SLC12A7: variants seen among roughly 807,000 people sequenced by gnomAD.
SLC12A7 encodes the protein K-Cl cotransporter 4.
A neutral mutation model predicts 120.6 loss-of-function variants in SLC12A7; 100 were observed. The observed-to-expected ratio is 0.83, with a 90% CI of 0.71 to 0.98. The LOEUF is 0.98. SLC12A7 is among the 50% of genes least tolerant of loss of function. The pLI, the probability that SLC12A7 is intolerant of heterozygous loss-of-function variation, is 0.00. For missense variants in SLC12A7, 1,373 were observed against 1,548.1 expected (o/e 0.89, Z 1.90); for synonymous variants, 760 against 678.0 (o/e 1.12, Z -1.88).
intron 1 of SLC12A7, among the ~76,000 whole-genome samples, chr5:1,104,104 G>T (rs1397026069): frequency 2.0e-5 from 3 of 152,186 alleles, no homozygotes; most frequent in Non-Finnish European, 2.9e-5. Context: ...CCCAGGAGGG[G>T]CCTGGCCTGG....
chr5:1,083,895 A>G lies in SLC12A7; in HGVS notation c.979T>C (p.Tyr327His). Residue 327 changes from tyrosine to histidine, a missense_variant, in exon 8 of 24, where the codon TAC (tyrosine) becomes CAC (histidine). By Grantham distance (83) the Tyr-to-His change is moderately conservative (BLOSUM62 2). Coordinates refer to ENST00000264930, the MANE Select transcript of SLC12A7 (RefSeq NM_006598.3). ...RRSFDACVKA[Y>H]GIHNNSATSA... The stretch of plus-strand genomic sequence containing the variant: ...GTGGCTGAGTTGTTGTGGATGCCGT[A>G]GGCCTTGACGCAGGCATCGAAGCTG... 6.2e-7 allele frequency: 1 copy of G among 1,608,550 alleles called. No individual in the cohort carries two copies. The highest frequency in any genetic ancestry group is 8.5e-7 in the Non-Finnish European group (1 of 1,179,098).
the SLC12A7 span, among the ~76,000 whole-genome samples, chr5:1,118,375 G>A: frequency 6.6e-6 from 1 of 152,362 alleles, no homozygotes; most frequent in South Asian, 2.1e-4. Flanking sequence ...TGAACAGAGA[G>A]ATAAGAAGAT....
Position 1,050,811 on chromosome 5 carries a change from C to T in SLC12A7, c.*1549G>A, listed in dbSNP as rs561142792. The T allele has an allele frequency of 1.8e-5, 7 of 398,588 alleles. No homozygotes were observed. Among genetic ancestry groups the T allele is most frequent in the Admixed American group, 1.3e-4 (3 of 22,730 alleles). The allele number at this position is 398,588 out of a possible 1,614,324, so 24.7% of individuals were successfully genotyped here. A position where few individuals can be genotyped will look rare whatever the true frequency, so the allele number is the denominator to read the frequency against. ...GAGCCCCGCTGTGATGTCTGGGACA[C>T]GCTCTGGGCAGCAGCCGTCACTCTA... On this transcript the variant is annotated 3_prime_UTR_variant, in exon 24 of 24. Coordinates refer to ENST00000264930, the MANE Select transcript of SLC12A7 (RefSeq NM_006598.3).
At chr5:1,074,528 C>T in intron 16 of SLC12A7, 39 bp downstream of exon 16, 1 of 1,565,780 alleles carries the variant, frequency 6.4e-7, no homozygotes, top group Admixed American at 1.7e-5. Context: ...AACAGCTCTT[C>T]TGTGCGTCTG....
chr5:1,094,327 C>T (rs1409187341), intron 1 of SLC12A7, 79 bp from the exon 2 acceptor site: 20 of 1,031,998 alleles, frequency 1.9e-5, no homozygotes, highest in South Asian at 5.1e-5. Flanking sequence ...AGATCTTGCA[C>T]GGAGGGCTCT....
intron 20 of SLC12A7, among the ~76,000 whole-genome samples, chr5:1,063,429 A>G (rs1162341577): frequency 6.6e-6 from 1 of 152,086 alleles, no homozygotes; most frequent in African/African-American, 2.4e-5. Flanking sequence ...ACACGGGACC[A>G]TGGAGGACAC....
intron 20 of SLC12A7, among the ~76,000 whole-genome samples, chr5:1,061,945 A>T (rs977016180): frequency 6.6e-5 from 10 of 152,140 alleles, no homozygotes; most frequent in South Asian, 4.1e-4. Context: ...AACTTTTTTT[A>T]AAAAAATAAA....
rs141289956 is a variant in SLC12A7 at position 1,060,435 on chromosome 5, G to A, written c.2756C>T (p.Ser919Phe). The change falls in exon 21 of 24, where the codon TCT (serine) becomes TTT (phenylalanine). Residue 919 changes from serine to phenylalanine, a missense_variant. By Grantham distance (155) the Ser-to-Phe change is radical (BLOSUM62 -2). Transcript: ENST00000264930. ...EVVEMVENDI[S>F]AFTYERTLMM... is the part of the protein sequence containing the mutation. ...TAGTGTCCTCTCGTAGGTGAAAGCA[G>A]ATATGTCGTTTTCAACCTAGAAAGT... 1 of 1,613,240 alleles carries A rather than the reference G, an allele frequency of 6.2e-7. No individual in the cohort carries two copies. The highest frequency in any genetic ancestry group is 1.3e-5 in the African/African-American group (1 of 74,932).
the SLC12A7 span, among the ~76,000 whole-genome samples, chr5:1,132,281 G>C: frequency 6.6e-6 from 1 of 152,170 alleles, no homozygotes; most frequent in Non-Finnish European, 1.5e-5. Context: ...CTAAAAAGGG[G>C]AGGAGCCCAC....
At chr5:1,146,366 TC>T in the SLC12A7 span, among the ~76,000 whole-genome samples, 87,878 of 151,950 alleles carry the variant, frequency 0.58, 26,961 homozygotes, top group South Asian at 0.74. The surrounding 1 kb of genome is among the most constrained non-coding windows in gnomAD (Gnocchi z 6.5). Flanking sequence ...CAGGCCTGGG[TC>T]CCTCTGACCT....
chr5:1,132,220 G>A, the SLC12A7 span, among the ~76,000 whole-genome samples: 81 of 152,194 alleles, frequency 5.3e-4, no homozygotes, highest in Middle Eastern at 3.4e-3. Context: ...CTACCAGCAC[G>A]GTGGCAGTTT....
At chr5:1,069,744 T>C (rs532558991) in intron 17 of SLC12A7, among the ~76,000 whole-genome samples, 6 of 150,852 alleles carry the variant, frequency 4.0e-5, no homozygotes, top group Non-Finnish European at 8.9e-5. Context: ...CGTGACGTGA[T>C]GGGACCCCAC....
the SLC12A7 span, among the ~76,000 whole-genome samples, chr5:1,141,141 C>T: frequency 2.0e-5 from 3 of 152,206 alleles, no homozygotes; most frequent in Admixed American, 6.5e-5. Flanking sequence ...AGGCGGGCAC[C>T]GGTTCCGGCC....
chr5:1,115,788 G>C (rs776474339), upstream of SLC12A7, among the ~76,000 whole-genome samples: 3 of 151,578 alleles, frequency 2.0e-5, no homozygotes, highest in East Asian at 2.0e-4. Context: ...CATGGTGAGT[G>C]GGGGAGAGAG....
intron 1 of SLC12A7, among the ~76,000 whole-genome samples, chr5:1,103,795 C>T (rs1283751007): frequency 1.3e-5 from 2 of 152,278 alleles, no homozygotes; most frequent in African/African-American, 4.8e-5. Flanking sequence ...CTAAAGGACA[C>T]GCCTGCTCGC....
chr5:1,076,079 C>T (rs1579362504), intron 14 of SLC12A7, 59 bp downstream of exon 14: 3 of 1,431,074 alleles, frequency 2.1e-6, no homozygotes, highest in South Asian at 2.5e-5. Flanking sequence ...TCACCAGTGG[C>T]AGAGGCACCC....
chr5:1,088,125 C>T (rs1740090734), intron 5 of SLC12A7, among the ~76,000 whole-genome samples, 181 bp downstream of exon 5: 1 of 152,198 alleles, frequency 6.6e-6, no homozygotes, highest in African/African-American at 2.4e-5. Context: ...GAAAACCAAA[C>T]AGCCGTGACC....
chr5:1,079,696 A>C (rs1247884713), intron 9 of SLC12A7, among the ~76,000 whole-genome samples, 200 bp from the exon 10 acceptor site: 1 of 152,088 alleles, frequency 6.6e-6, no homozygotes, highest in African/African-American at 2.4e-5. Context: ...GCGGATGAGC[A>C]CCCACGTCTA....
At chr5:1,107,718 C>G (rs893557848) in intron 1 of SLC12A7, among the ~76,000 whole-genome samples, 2 of 152,194 alleles carry the variant, frequency 1.3e-5, no homozygotes, top group Admixed American at 1.3e-4. Flanking sequence ...GATCTGGTGT[C>G]CAACGCTAGA....
Sources: gnomAD v4.1 joint callset for allele counts (sites outside exome capture counted in the v4.1 genomes callset) on GRCh38, gnomAD v4.1.1 for gene constraint, Gnocchi (gnomAD v3.1) non-coding constraint, MANE v1.5 for transcripts, NCBI Gene and HGNC (gene_info 2026-07-23, HGNC 2026-07-21) for gene names.